Variants in ANKRD30B observed in about 807,000 individuals in gnomAD.
ANKRD30B encodes the protein ankyrin repeat domain 30B.
A neutral mutation model predicts 202.2 loss-of-function variants in ANKRD30B; 144 were observed. The observed-to-expected ratio is 0.71, with a 90% CI of 0.62 to 0.82. The LOEUF (loss-of-function observed/expected upper bound fraction) is 0.82. ANKRD30B is among the 40% of genes least tolerant of loss of function. ANKRD30B has a pLI of 0.00. For synonymous variants in ANKRD30B, 508 were observed against 561.3 expected, an observed-to-expected ratio of 0.91 and a Z score of 1.34; for missense variants, 1,487 against 1,669.1, an observed-to-expected ratio of 0.89 and a Z score of 1.90.
In ANKRD30B at chr18:14,755,407, T is replaced by C. The variant is rs1463699004; in HGVS notation, c.617+402T>C. Among the ~76,000 whole-genome samples, 3 of 152,238 alleles carry C rather than the reference T, an allele frequency of 2.0e-5. No individual in the cohort carries two copies. In the East Asian group the frequency reaches 5.8e-4, roughly 29 times the overall value. On this transcript the variant is annotated intron_variant, in intron 4 of 43. Coordinates refer to ENST00000690538, the MANE Select transcript of ANKRD30B (RefSeq NM_001367607.2). ...ACACTTTTTTAATTTCTTTTTTTAT[T>C]ATTATTATACTTTTAAGTTTTAGGG...
chr18:14,774,551 C>A (rs542870638), intron 9 of ANKRD30B, among the ~76,000 whole-genome samples: 1 of 151,862 alleles, frequency 6.6e-6, no homozygotes, highest in Non-Finnish European at 1.5e-5. Flanking sequence ...TTCTCTGTTT[C>A]TTGGAAGAAG....
At chr18:14,821,264 A>G (rs909276729) in intron 30 of ANKRD30B, among the ~76,000 whole-genome samples, 4 of 149,378 alleles carry the variant, frequency 2.7e-5, no homozygotes, top group African/African-American at 9.9e-5. Flanking sequence ...TTTTTTCTTT[A>G]TTAGTCTTGC....
Position 14,791,412 on chromosome 18 carries a change from G to C in ANKRD30B, c.1746G>C (p.Glu582Asp), listed in dbSNP as rs1446434727. The C allele has an allele frequency of 6.2e-6, 10 of 1,607,500 alleles. No homozygotes were observed. The African/African-American group carries it at 1.3e-4, about 22-fold the overall frequency. ...ENSWDSESPC[E>D]TVSQKDVYLP... ...ATTACTTTTAACAGAGTCCCTGTGA[G>C]ACGGTTTCACAGAAGGATGTGTATT... Residue 582 changes from glutamate (E) to aspartate (D), a missense_variant, in exon 16 of 44, where the codon GAG (glutamate) becomes GAC (aspartate). Physicochemically the swap from Glu to Asp is conservative, Grantham distance 45 (BLOSUM62 2). This residue lies in a region of ANKRD30B where 889 missense variants were observed against 841.4 expected (regional missense o/e 1.06). Transcript: ENST00000690538.
the ANKRD30B span, among the ~76,000 whole-genome samples, chr18:14,866,107 C>A: frequency 1.3e-5 from 2 of 152,226 alleles, no homozygotes; most frequent in Non-Finnish European, 2.9e-5. Context: ...TTTTCTCTCA[C>A]CCAATCGGAA....
chr18:14,778,029 T>C lies in ANKRD30B; in HGVS notation c.1374T>C (p.Asp458=). 1 of 1,549,386 alleles carries C rather than the reference T, an allele frequency of 6.5e-7. No homozygotes were observed. The highest frequency in any genetic ancestry group is 2.4e-5 in the East Asian group (1 of 40,854). ...CACAGAATTATACGTGTTTACCTGATGCTACATATCAAAAAGATATCAAAA... is the reference window on the plus strand; with the variant it reads ...CACAGAATTATACGTGTTTACCTGACGCTACATATCAAAAAGATATCAAAA... ...SAAQNYTCLP[D]ATYQKDIKTI... Residue 458 remains aspartate, a synonymous_variant, in exon 10 of 44, where the codon GAT becomes GAC. Transcript: ENST00000690538.
downstream of ANKRD30B, among the ~76,000 whole-genome samples, chr18:14,855,860 G>A (rs999578599): frequency 6.7e-5 from 10 of 150,292 alleles, no homozygotes; most frequent in South Asian, 4.2e-4. Context: ...CAGACGTCGC[G>A]GCCAGGCAGA....
chr18:14,850,100 T>G lies in ANKRD30B; in HGVS notation c.3396-114T>G, dbSNP rs1050564754. The G allele has an allele frequency of 7.6e-6, 6 of 786,678 alleles. No homozygotes were observed. The Middle Eastern group carries it at 1.2e-3, about 152-fold the overall frequency. The allele number at this position is 786,678 out of a possible 1,614,324, so 48.7% of individuals were successfully genotyped here. ...AGAGAACTAGAAAGAAAAAAAAAAT[T>G]CAGGAATATAGGAATTTTATTGGAA... On this transcript the variant is annotated intron_variant, in intron 40 of 43. Transcript: ENST00000690538.
At chr18:14,797,886 A>T (rs2143979460) in intron 20 of ANKRD30B, 32 bp downstream of exon 20, 1 of 1,506,144 alleles carries the variant, frequency 6.6e-7, no homozygotes, top group Non-Finnish European at 9.0e-7. Context: ...TTAATCTGGA[A>T]TTAAGAATAT....
intron 7 of ANKRD30B, among the ~76,000 whole-genome samples, chr18:14,766,630 G>T (rs2143763327): frequency 6.6e-6 from 1 of 152,108 alleles, no homozygotes; most frequent in South Asian, 2.1e-4. Context: ...GTAGGTAATT[G>T]GTTTATACGT....
chr18:14,827,432 T>C (rs976090472), intron 32 of ANKRD30B, among the ~76,000 whole-genome samples: 5 of 152,098 alleles, frequency 3.3e-5, no homozygotes, highest in African/African-American at 1.2e-4. Context: ...GTGAGGGAAG[T>C]CTTGTGAGAC....
At position 14,755,493 on chromosome 18, in the gene ANKRD30B, C is replaced by G. The variant is rs1258299613; in HGVS notation, c.617+488C>G. Among the ~76,000 whole-genome samples the G allele has an allele frequency of 2.0e-5, 3 of 151,902 alleles. No individual in the cohort carries two copies. In the East Asian group the frequency reaches 5.8e-4, roughly 29 times the overall value. On this transcript the variant is annotated intron_variant, in intron 4 of 43. Coordinates refer to ENST00000690538, the MANE Select transcript of ANKRD30B (RefSeq NM_001367607.2). ...ATACGTGTGCCATGTTGGTGGGCTG[C>G]ACCCATTAACTCGTCATTTAGCATT...
rs779040453 is a variant in ANKRD30B, at chr18:14,748,382, C to A, written c.-38C>A. On this transcript the variant is annotated 5_prime_UTR_variant, in exon 1 of 44. Coordinates refer to ENST00000690538, the MANE Select transcript of ANKRD30B (RefSeq NM_001367607.2). ...GGGGTAGGGGCTGGGGAAGGGCGAG[C>A]GGGAGGCGCGGGCTCTCTCTAGCAG... is the stretch of plus-strand genomic sequence containing the variant. 1.4e-6 allele frequency: 2 copies of A among 1,404,484 alleles called. No homozygotes were observed. Among genetic ancestry groups the A allele is most frequent in the African/African-American group, 2.9e-5 (2 of 68,036 alleles). The allele number at this position is 1,404,484 out of a possible 1,614,324, so 87.0% of individuals were successfully genotyped here. A position where few individuals can be genotyped will look rare whatever the true frequency, so the allele number is the denominator to read the frequency against.
Position 14,782,523 on chromosome 18 carries a change from A to G in ANKRD30B, c.1483-4A>G, listed in dbSNP as rs781617441. The stretch of plus-strand genomic sequence containing the variant: ...AAATTATCTATTGATACTACTTTTA[A>G]CAGAGTCTCTTTGAGAGTTCTGCAA... On this transcript the variant is annotated splice_region_variant and splice_polypyrimidine_tract_variant and intron_variant, in intron 11 of 43. Coordinates refer to ENST00000690538, the MANE Select transcript of ANKRD30B (RefSeq NM_001367607.2). The G allele has an allele frequency of 5.8e-6, 9 of 1,555,900 alleles. No homozygotes were observed. The highest frequency in any genetic ancestry group is 1.2e-5 in the South Asian group (1 of 80,826).
chr18:14,938,538 G>A, the ANKRD30B span, among the ~76,000 whole-genome samples: 4 of 152,062 alleles, frequency 2.6e-5, no homozygotes, highest in African/African-American at 4.8e-5. Flanking sequence ...ATTCCGGAAG[G>A]GTCTGAGACA....
the ANKRD30B span, among the ~76,000 whole-genome samples, chr18:14,910,409 T>C: frequency 6.6e-6 from 1 of 151,902 alleles, no homozygotes; most frequent in African/African-American, 2.4e-5. Flanking sequence ...TAAAAAGACA[T>C]GATTTTTCAT....
At chr18:14,917,433 C>T in the ANKRD30B span, among the ~76,000 whole-genome samples, 1 of 152,176 alleles carries the variant, frequency 6.6e-6, no homozygotes, top group Non-Finnish European at 1.5e-5. Context: ...GCTTCTCTTT[C>T]TCTGTGTCCT....
At chr18:14,902,706 C>T in the ANKRD30B span, among the ~76,000 whole-genome samples, 3 of 152,144 alleles carry the variant, frequency 2.0e-5, no homozygotes, top group Non-Finnish European at 2.9e-5. Context: ...TCCCAGGGTA[C>T]CGCCCCAGAC....
the ANKRD30B span, among the ~76,000 whole-genome samples, chr18:14,923,975 G>T: frequency 1.3e-5 from 2 of 152,110 alleles, no homozygotes; most frequent in African/African-American, 2.4e-5. Flanking sequence ...CTCATGGCTT[G>T]TTCTTAGTTT....
At chr18:14,755,874 G>A (rs1914268263) in intron 4 of ANKRD30B, among the ~76,000 whole-genome samples, 1 of 152,154 alleles carries the variant, frequency 6.6e-6, no homozygotes, top group South Asian at 2.1e-4. Flanking sequence ...ACGTGTGCAT[G>A]TGTCTTTATA....
Sources: allele counts gnomAD v4.1 joint callset (sites outside exome capture counted in the v4.1 genomes callset), GRCh38; gene constraint gnomAD v4.1.1; regional missense constraint gnomAD v4.1.1; transcripts MANE v1.5; gene names NCBI Gene and HGNC (gene_info 2026-07-23, HGNC 2026-07-21).